Variants in KCNK10 observed in about 807,000 individuals in gnomAD.
KCNK10 encodes potassium channel subfamily K member 10.
In KCNK10, 25 loss-of-function variants were observed where a neutral mutation model predicts 47.7. The observed-to-expected ratio is 0.52, with a 90% CI of 0.38 to 0.73. The LOEUF (loss-of-function observed/expected upper bound fraction) is 0.73. Among genes scored for constraint, KCNK10 ranks in the 30% least tolerant of loss-of-function variants. The pLI is 0.00. For synonymous variants in KCNK10, 303 were observed against 285.6 expected (o/e 1.06, Z -0.61); for missense variants, 563 against 714.5 (o/e 0.79, Z 2.42).
chr14:88,285,026 G>C (rs1375033843), intron 1 of KCNK10, among the ~76,000 whole-genome samples: 1 of 152,160 alleles, frequency 6.6e-6, no homozygotes, highest in Non-Finnish European at 1.5e-5. Context: ...CTACAAAATG[G>C]AACATGTGTT....
intron 4 of KCNK10, among the ~76,000 whole-genome samples, chr14:88,206,178 A>T (rs1306826633): frequency 6.6e-6 from 1 of 152,204 alleles, no homozygotes; most frequent in Non-Finnish European, 1.5e-5. Flanking sequence ...TGAAAGTTAC[A>T]TGGGAGCCCC....
intron 2 of KCNK10, among the ~76,000 whole-genome samples, chr14:88,262,813 A>C (rs1887147268): frequency 6.6e-6 from 1 of 152,190 alleles, no homozygotes; most frequent in African/African-American, 2.4e-5. Flanking sequence ...GGACAGGTTA[A>C]TATATCCCTG....
rs1888576047 is a variant in KCNK10 at position 88,322,804 on chromosome 14, C to T, written c.-6G>A. 2.5e-6 allele frequency: 4 copies of T among 1,614,028 alleles called. No homozygotes were observed. In the South Asian group the frequency reaches 3.3e-5, roughly 13 times the overall value. The stretch of plus-strand genomic sequence containing the variant: ...GTCTCGATTGGAAATTTCATTGCTT[C>T]GTTGCCCAGAAGGGGAAGAAATGAA... On this transcript the variant is annotated 5_prime_UTR_variant, in exon 1 of 7. Coordinates refer to ENST00000319231, the MANE Select transcript of KCNK10 (RefSeq NM_138317.3). This position sits in a 1 kb window ranked among gnomAD's most constrained non-coding sequence, Gnocchi z 4.8.
At position 88,188,037 on chromosome 14, in the gene KCNK10, G is replaced by T; in HGVS notation, c.941C>A (p.Ala314Asp). 2 of 1,614,084 alleles carry T rather than the reference G, an allele frequency of 1.2e-6. No homozygotes were observed. Among genetic ancestry groups the T allele is most frequent in the Non-Finnish European group, 1.7e-6 (2 of 1,180,006 alleles). ...LVWFWILVGLAYFAAVLSMIG... is the reference protein window; with the variant it reads ...LVWFWILVGLDYFAAVLSMIG... ...CATACTGAGGACAGCTGCAAAGTAGGCAAGGCCAACAAGGATCCAAAACCA... is the reference window on the plus strand; with the variant it reads ...CATACTGAGGACAGCTGCAAAGTAGTCAAGGCCAACAAGGATCCAAAACCA... The change falls in exon 6 of 7, where the codon GCC (alanine) becomes GAC (aspartate). Residue 314 changes from alanine to aspartate, a missense_variant. Transcript: ENST00000319231.
At chr14:88,201,696 C>A (rs1002997925) in intron 4 of KCNK10, among the ~76,000 whole-genome samples, 3 of 152,100 alleles carry the variant, frequency 2.0e-5, no homozygotes, top group Non-Finnish European at 4.4e-5. Flanking sequence ...TACACTGAAG[C>A]CTATTTTGAT....
chr14:88,240,826 A>G lies in KCNK10; in HGVS notation c.403-6T>C. On this transcript the variant is annotated splice_region_variant and splice_polypyrimidine_tract_variant and intron_variant, in intron 2 of 6. Transcript: ENST00000319231. The stretch of plus-strand genomic sequence containing the variant: ...TTGTCAGCATCAAGAGCATGCTGCA[A>G]AGAAAGGGAAAAAGCATAAGACTCA... 6.4e-7 allele frequency: 1 copy of G among 1,562,136 alleles called. No homozygotes were observed. The highest frequency in any genetic ancestry group is 8.8e-7 in the Non-Finnish European group (1 of 1,133,030).
intron 2 of KCNK10, among the ~76,000 whole-genome samples, chr14:88,253,149 A>G (rs553796801): frequency 6.6e-6 from 1 of 152,190 alleles, no homozygotes; most frequent in Non-Finnish European, 1.5e-5. Flanking sequence ...GCTAAGTAAT[A>G]TATGTAAACT....
At chr14:88,272,793 G>A (rs1887437083) in intron 1 of KCNK10, among the ~76,000 whole-genome samples, 1 of 152,102 alleles carries the variant, frequency 6.6e-6, no homozygotes, top group South Asian at 2.1e-4. Context: ...GGAGTTTACT[G>A]GAATGTATTA....
chr14:88,299,665 T>C (rs1439534663), intron 1 of KCNK10, among the ~76,000 whole-genome samples: 3 of 152,010 alleles, frequency 2.0e-5, no homozygotes, highest in African/African-American at 4.8e-5. Flanking sequence ...TTTGGAAAAA[T>C]AGAACTAGCA....
In KCNK10 at chr14:88,299,921, C is replaced by T. The variant is rs541311595; in HGVS notation, c.52+22826G>A. On this transcript the variant is annotated intron_variant, in intron 1 of 6. Transcript: ENST00000319231. ...AAAGTGAAGATGGCATAGGAAAGGCCGACGTTTAAGAAACCCTTCCCTAAC... is the reference window on the plus strand; with the variant it reads ...AAAGTGAAGATGGCATAGGAAAGGCTGACGTTTAAGAAACCCTTCCCTAAC... Among the ~76,000 whole-genome samples, 37 of 152,236 alleles carry T rather than the reference C, an allele frequency of 2.4e-4. No homozygotes were observed. In the South Asian group the frequency reaches 6.0e-3, roughly 25 times the overall value.
intron 4 of KCNK10, among the ~76,000 whole-genome samples, chr14:88,226,412 A>G (rs1194812218): frequency 6.6e-6 from 1 of 152,240 alleles, no homozygotes; most frequent in Non-Finnish European, 1.5e-5. Context: ...AAAAAAGCAC[A>G]GCTTTAGAGC....
At chr14:88,240,912 C>T in intron 2 of KCNK10, 92 bp from the exon 3 acceptor site, 1 of 765,352 alleles carries the variant, frequency 1.3e-6, no homozygotes, top group Non-Finnish European at 2.1e-6. Flanking sequence ...TACATTATTC[C>T]CCTACTCAAG....
chr14:88,229,169 T>C (rs1178475043), intron 3 of KCNK10, among the ~76,000 whole-genome samples: 4 of 152,146 alleles, frequency 2.6e-5, no homozygotes, highest in South Asian at 2.1e-4. Context: ...ATTGCAGACA[T>C]AGGCAAACAA....
chr14:88,298,239 C>T (rs765940956), intron 1 of KCNK10, among the ~76,000 whole-genome samples: 1 of 152,150 alleles, frequency 6.6e-6, no homozygotes, highest in African/African-American at 2.4e-5. Context: ...AAATTAATAT[C>T]GTCCACGTTC....
chr14:88,223,067 G>T (rs903957003), intron 4 of KCNK10, among the ~76,000 whole-genome samples: 1 of 152,138 alleles, frequency 6.6e-6, no homozygotes, highest in Admixed American at 6.5e-5. Context: ...GGGAAAGCCA[G>T]GAAGGAAGGA....
At chr14:88,317,244 G>T (rs1395580059) in intron 1 of KCNK10, among the ~76,000 whole-genome samples, 1 of 152,174 alleles carries the variant, frequency 6.6e-6, no homozygotes, top group Non-Finnish European at 1.5e-5. Context: ...TTTCTTTCCA[G>T]GAAATCTAAG....
At chr14:88,210,033 G>C (rs1020237507) in intron 4 of KCNK10, among the ~76,000 whole-genome samples, 1 of 152,206 alleles carries the variant, frequency 6.6e-6, no homozygotes, top group African/African-American at 2.4e-5. Flanking sequence ...CCCTCTCTGG[G>C]CTCCCATAGC....
rs947243060 is a variant in KCNK10 at position 88,182,482 on chromosome 14, A to G, written c.*3053T>C. ...AAACCAACTGGCCTCCTCCAAAATT[A>G]GTTTATATGAAGAGGAATCCAACCT... On this transcript the variant is annotated 3_prime_UTR_variant, in exon 7 of 7. Transcript: ENST00000319231. 3 of 152,366 alleles carry G rather than the reference A, an allele frequency of 2.0e-5. No homozygotes were observed. The highest frequency in any genetic ancestry group is 2.1e-4 in the South Asian group (1 of 4,832). 9.4% of individuals were successfully genotyped at this position (152,366 alleles called of 1,614,324 possible).
At chr14:88,270,807 G>A (rs537251609) in intron 1 of KCNK10, 2 of 780,944 alleles carry the variant, frequency 2.6e-6, no homozygotes, top group Non-Finnish European at 4.8e-6. Context: ...CCATGTACAT[G>A]GTGTGTCACT....
Sources: allele counts gnomAD v4.1 joint callset (sites outside exome capture counted in the v4.1 genomes callset), GRCh38; gene constraint gnomAD v4.1.1; non-coding constraint Gnocchi (gnomAD v3.1); transcripts MANE v1.5; gene names NCBI Gene and HGNC (gene_info 2026-07-23, HGNC 2026-07-21).